DENND1B: variants seen among roughly 807,000 people sequenced by gnomAD.
DENND1B encodes DENN domain containing 1B.
DENND1B carries 59 observed loss-of-function variants against 90.1 expected under a neutral mutation model. The ratio of observed to expected loss-of-function variants is 0.65; its 90% CI spans 0.53 to 0.81. The LOEUF (loss-of-function observed/expected upper bound fraction) is 0.81. Among genes scored for constraint, DENND1B ranks in the 40% least tolerant of loss-of-function variants. The probability of loss-of-function intolerance (pLI) is 0.00; values close to 1 mark genes in which losing one functional copy is unlikely to be tolerated. For synonymous variants in DENND1B, 337 were observed against 324.6 expected (o/e 1.04, Z -0.41); for missense variants, 862 against 912.6 (o/e 0.94, Z 0.71).
At chr1:197,664,562 T>C (rs753524986) in intron 5 of DENND1B, among the ~76,000 whole-genome samples, 3 of 152,098 alleles carry the variant, frequency 2.0e-5, no homozygotes, top group Non-Finnish European at 2.9e-5. Context: ...ACTTCCACTA[T>C]AGAGCTGATA....
At chr1:197,690,748 T>G (rs1025117722) in intron 3 of DENND1B, 1 of 152,352 alleles carries the variant, frequency 6.6e-6, no homozygotes, top group Non-Finnish European at 1.5e-5. Flanking sequence ...TGATTAATGA[T>G]AGCAATGCAT....
rs965724539 is a variant in DENND1B, at chr1:197,507,300, T to C, written c.*3160A>G. ...GTTACTGTACCCTGCATATGACTGG[T>C]ACAAAAAGTCAATGAATAGTTTTTA... On this transcript the variant is annotated 3_prime_UTR_variant, in exon 23 of 23. Transcript: ENST00000620048. 6.6e-6 allele frequency: 1 copy of C among 151,272 alleles called. No homozygotes were observed. Among genetic ancestry groups the C allele is most frequent in the East Asian group, 1.9e-4 (1 of 5,132 alleles). The allele number at this position is 151,272 out of a possible 1,614,324, so 9.4% of individuals were successfully genotyped here. A position where few individuals can be genotyped will look rare whatever the true frequency, so the allele number is the denominator to read the frequency against.
rs180852864 is a variant in DENND1B at position 197,679,204 on chromosome 1, T to C, written c.127-5035A>G. ...AATTTCAGTTCTATGTGCATAAGTC[T>C]TAGGTGATGAAACCTATGCAATCAC... On this transcript the variant is annotated intron_variant, in intron 3 of 22. Transcript: ENST00000620048. Among the ~76,000 whole-genome samples, 317 of 151,972 alleles carry C rather than the reference T, an allele frequency of 2.1e-3. 1 individual carries two copies. The highest frequency in any genetic ancestry group is 7.5e-3 in the African/African-American group (310 of 41,506).
At chr1:197,764,254 A>G (rs1482094781) in intron 2 of DENND1B, among the ~76,000 whole-genome samples, 1 of 152,228 alleles carries the variant, frequency 6.6e-6, no homozygotes, top group Non-Finnish European at 1.5e-5. Flanking sequence ...TTTGAAAAGA[A>G]TAACAGTCAG....
At chr1:197,677,464 A>G (rs1656207521) in intron 3 of DENND1B, among the ~76,000 whole-genome samples, 1 of 152,096 alleles carries the variant, frequency 6.6e-6, no homozygotes, top group Admixed American at 6.6e-5. Context: ...TAGTTACCCA[A>G]ATCAGAAACA....
At chr1:197,620,080 C>T (rs918148866) in intron 10 of DENND1B, among the ~76,000 whole-genome samples, 5 of 151,144 alleles carry the variant, frequency 3.3e-5, no homozygotes, top group Non-Finnish European at 7.4e-5. Flanking sequence ...TCTGCTTTGG[C>T]AAATATTTAT....
intron 15 of DENND1B, among the ~76,000 whole-genome samples, chr1:197,559,719 A>C (rs1238509281): frequency 7.4e-5 from 4 of 54,420 alleles, no homozygotes; most frequent in African/African-American, 2.5e-4. Flanking sequence ...CCGGGCTAAA[A>C]ATTTAATAAG....
At chr1:197,770,907 T>C (rs1656506655) in intron 2 of DENND1B, among the ~76,000 whole-genome samples, 1 of 144,172 alleles carries the variant, frequency 6.9e-6, no homozygotes, top group Admixed American at 7.1e-5. Context: ...TCTATATATC[T>C]ATATAGATTT....
intron 20 of DENND1B, among the ~76,000 whole-genome samples, chr1:197,521,526 A>C (rs1360348117): frequency 2.0e-5 from 3 of 152,012 alleles, no homozygotes; most frequent in Non-Finnish European, 4.4e-5. Context: ...CCTCCATTTT[A>C]CAGTTGAGGC....
chr1:197,762,851 G>C (rs747965143), intron 2 of DENND1B, among the ~76,000 whole-genome samples: 3 of 151,986 alleles, frequency 2.0e-5, no homozygotes, highest in Non-Finnish European at 2.9e-5. Context: ...TGTACTCCAG[G>C]CCCATCCATG....
chr1:197,667,897 C>A (rs573754002), intron 5 of DENND1B, among the ~76,000 whole-genome samples: 1 of 152,176 alleles, frequency 6.6e-6, no homozygotes, highest in East Asian at 1.9e-4. Flanking sequence ...TATATCATAA[C>A]ATCTCAGAGT....
intron 2 of DENND1B, among the ~76,000 whole-genome samples, chr1:197,770,211 A>G (rs1183507853): frequency 1.3e-5 from 2 of 152,172 alleles, no homozygotes; most frequent in South Asian, 2.1e-4. Flanking sequence ...TTTGCAACCT[A>G]CAAAGAAGCC....
chr1:197,707,777 C>T lies in DENND1B; in HGVS notation c.126+7254G>A, dbSNP rs540937321. ...GGTCTACAGCTCCCAGCGTGAGCGA[C>T]GCAGAAGACGGGTGATTTCTGCATT... On this transcript the variant is annotated intron_variant, in intron 3 of 22. Transcript: ENST00000620048. Among the ~76,000 whole-genome samples, 53 of 148,666 alleles carry T rather than the reference C, an allele frequency of 3.6e-4. No individual in the cohort carries two copies. The East Asian group carries it at 9.7e-3, about 27-fold the overall frequency.
rs115644939 is a variant in DENND1B at position 197,546,604 on chromosome 1, A to G, written c.1281+129T>C. On this transcript the variant is annotated intron_variant, in intron 17 of 22. Transcript: ENST00000620048. Reference sequence around the variant, plus strand: ...ATAAACGTAAAATAAGAATATTTAAAATGTGACAAAATATACAAACATTTC... The same window carrying G: ...ATAAACGTAAAATAAGAATATTTAAGATGTGACAAAATATACAAACATTTC... 2.8e-3 allele frequency: 2,358 copies of G among 828,912 alleles called. 40 individuals carry two copies. The African/African-American group carries it at 0.039, about 14-fold the overall frequency. 51.3% of individuals were successfully genotyped at this position (828,912 alleles called of 1,614,324 possible). A position where few individuals can be genotyped will look rare whatever the true frequency, so the allele number is the denominator to read the frequency against.
At chr1:197,621,808 T>A (rs187407079) in intron 10 of DENND1B, among the ~76,000 whole-genome samples, 53 of 151,558 alleles carry the variant, frequency 3.5e-4, no homozygotes, top group African/African-American at 1.2e-3. Flanking sequence ...AATAATACAC[T>A]GTTATAATTT....
In DENND1B at chr1:197,556,336, T is replaced by C. The variant is rs553529763; in HGVS notation, c.1150-3224A>G. Among the ~76,000 whole-genome samples the C allele has an allele frequency of 2.0e-5, 3 of 152,114 alleles. No individual in the cohort carries two copies. The South Asian group carries it at 6.2e-4, about 32-fold the overall frequency. ...CATACCCATGTACCAAACCTACATA[T>C]GTACCTCTGAGTCTAAAATAATGAA... On this transcript the variant is annotated intron_variant, in intron 15 of 22. Transcript: ENST00000620048.
intron 2 of DENND1B, among the ~76,000 whole-genome samples, chr1:197,755,925 G>A (rs1654221375): frequency 6.6e-6 from 1 of 152,122 alleles, no homozygotes; most frequent in South Asian, 2.1e-4. Context: ...CACAACATGT[G>A]GGAATTATGG....
intron 3 of DENND1B, 29 bp downstream of exon 3, chr1:197,715,002 A>C (rs1486748617): frequency 6.4e-7 from 1 of 1,573,930 alleles, no homozygotes; most frequent in East Asian, 2.2e-5. Flanking sequence ...TTCAACTTTA[A>C]ATTTTTTAAA....
intron 11 of DENND1B, among the ~76,000 whole-genome samples, chr1:197,616,897 C>T (rs1053633817): frequency 2.0e-5 from 3 of 150,966 alleles, no homozygotes; most frequent in Non-Finnish European, 4.5e-5. Flanking sequence ...GATGATTATG[C>T]AATGAAGATA....
Sources: allele counts gnomAD v4.1 joint callset (sites outside exome capture counted in the v4.1 genomes callset), GRCh38; gene constraint gnomAD v4.1.1; transcripts MANE v1.5; gene names NCBI Gene and HGNC (gene_info 2026-07-23, HGNC 2026-07-21).